The following MYO3A variants were observed in gnomAD, a reference collection of about 807,000 sequenced individuals.
The protein encoded by MYO3A is myosin-IIIa.
MYO3A carries 180 observed loss-of-function variants against 192.7 expected under a neutral mutation model. That is an observed-to-expected ratio of 0.93 (90% CI 0.83 to 1.06). MYO3A has a LOEUF of 1.06. MYO3A is among the 50% of genes least tolerant of loss of function. MYO3A has a pLI of 0.00. For missense variants in MYO3A, 1,896 were observed against 1,905.0 expected (o/e 1.00, Z 0.09); for synonymous variants, 628 against 645.3 (o/e 0.97, Z 0.41).
chr10:25,976,598 C>T (rs10828918), intron 4 of MYO3A, among the ~76,000 whole-genome samples: 3,857 of 152,072 alleles, frequency 0.025, 185 homozygotes, highest in African/African-American at 0.087. Flanking sequence ...AATATTATAC[C>T]TTTTGATTTA....
intron 10 of MYO3A, among the ~76,000 whole-genome samples, chr10:26,041,934 T>G (rs150823738): frequency 1.3e-5 from 2 of 152,290 alleles, no homozygotes; most frequent in East Asian, 3.9e-4. Context: ...TTAAAATGAT[T>G]TCTTATTGCT....
At chr10:26,103,753 C>T (rs1473079640) in intron 17 of MYO3A, among the ~76,000 whole-genome samples, 3 of 152,152 alleles carry the variant, frequency 2.0e-5, no homozygotes, top group Admixed American at 1.3e-4. Flanking sequence ...TTAACCTTTT[C>T]ACTAAATTGT....
chr10:25,987,890 A>G (rs1022973727), intron 4 of MYO3A, among the ~76,000 whole-genome samples: 58 of 152,328 alleles, frequency 3.8e-4, no homozygotes, highest in African/African-American at 1.3e-3. Context: ...TATGAAAAAG[A>G]TATTTGTACA....
chr10:26,126,724 A>G (rs1039875450), intron 19 of MYO3A, among the ~76,000 whole-genome samples: 10 of 152,160 alleles, frequency 6.6e-5, no homozygotes, highest in African/African-American at 1.9e-4. Flanking sequence ...TTTGTTAATT[A>G]TCATCTGCAT....
At position 26,152,103 on chromosome 10, in the gene MYO3A, G is replaced by A. The variant is rs548533940; in HGVS notation, c.2636-1747G>A. Among the ~76,000 whole-genome samples the A allele has an allele frequency of 7.2e-5, 11 of 152,254 alleles. No individual in the cohort carries two copies. The South Asian group carries it at 2.1e-3, about 29-fold the overall frequency. On this transcript the variant is annotated intron_variant, in intron 23 of 34. Transcript: ENST00000642920. ...GCAGCCAGGCTCTAAATACTATGTTGTGTTGCTTGGCTATCAGCAGAACAG... is the reference window on the plus strand; with the variant it reads ...GCAGCCAGGCTCTAAATACTATGTTATGTTGCTTGGCTATCAGCAGAACAG...
chr10:25,949,085 G>T (rs1301055000), intron 2 of MYO3A, among the ~76,000 whole-genome samples: 1 of 151,992 alleles, frequency 6.6e-6, no homozygotes, highest in Non-Finnish European at 1.5e-5. Context: ...AGAATAAACT[G>T]CTTTTCACCT....
chr10:26,199,578 AG>A (rs1174349793), intron 32 of MYO3A, among the ~76,000 whole-genome samples: 11 of 152,170 alleles, frequency 7.2e-5, no homozygotes, highest in African/African-American at 2.4e-4. Flanking sequence ...TCAAAAAAAA[AG>A]AAAAGAAAAA....
At position 26,121,469 on chromosome 10, in the gene MYO3A, T is replaced by C. The variant is rs149776852; in HGVS notation, c.1903+667T>C. Among the ~76,000 whole-genome samples the C allele has an allele frequency of 1.1e-3, 170 of 152,204 alleles. 1 individual carries two copies. Among genetic ancestry groups the C allele is most frequent in the African/African-American group, 3.9e-3 (161 of 41,534 alleles). On this transcript the variant is annotated intron_variant, in intron 18 of 34. Coordinates refer to ENST00000642920, the MANE Select transcript of MYO3A (RefSeq NM_017433.5). The stretch of plus-strand genomic sequence containing the variant: ...TTAATAATAACAAATGGAGAATCAC[T>C]CCTCGTCCAAAAGCTCACACCTCTA...
intron 28 of MYO3A, among the ~76,000 whole-genome samples, chr10:26,169,362 G>A (rs1183184703): frequency 4.6e-5 from 7 of 152,038 alleles, no homozygotes; most frequent in Non-Finnish European, 8.8e-5. Flanking sequence ...ATAGACTTTG[G>A]ATTTTGCTTT....
intron 19 of MYO3A, among the ~76,000 whole-genome samples, chr10:26,127,536 G>A (rs948720463): frequency 2.0e-5 from 3 of 152,090 alleles, no homozygotes; most frequent in African/African-American, 7.2e-5. Flanking sequence ...TTTGAATTCA[G>A]TTGCTTCCTC....
intron 10 of MYO3A, among the ~76,000 whole-genome samples, chr10:26,048,025 A>G (rs1843732459): frequency 6.6e-6 from 1 of 152,190 alleles, no homozygotes; most frequent in South Asian, 2.1e-4. Context: ...AAATCTATTG[A>G]CAGTACCTTA....
At position 26,071,690 on chromosome 10, in the gene MYO3A, T is replaced by C. The variant is rs139776820; in HGVS notation, c.1359+1289T>C. Among the ~76,000 whole-genome samples, 630 of 152,134 alleles carry C rather than the reference T, an allele frequency of 4.1e-3. 3 individuals carry two copies. The highest frequency in any genetic ancestry group is 0.014 in the African/African-American group (601 of 41,512). On this transcript the variant is annotated intron_variant, in intron 14 of 34. Transcript: ENST00000642920. ...AATCAATAAGAAATGAAATGACAAT[T>C]TAAAAACAAACATAATGTTTGAACA...
intron 15 of MYO3A, among the ~76,000 whole-genome samples, chr10:26,092,263 T>G (rs557943956): frequency 1.3e-5 from 2 of 152,148 alleles, no homozygotes; most frequent in Non-Finnish European, 2.9e-5. Context: ...GTCAGGAGAT[T>G]GAGACCATCC....
chr10:26,208,779 C>A (rs1844092915), intron 34 of MYO3A, among the ~76,000 whole-genome samples: 1 of 152,066 alleles, frequency 6.6e-6, no homozygotes, highest in Non-Finnish European at 1.5e-5. Context: ...CAGAACAGAC[C>A]AGAATAGAGG....
At chr10:26,133,861 G>C (rs926731481) in intron 20 of MYO3A, among the ~76,000 whole-genome samples, 15 of 152,178 alleles carry the variant, frequency 9.9e-5, no homozygotes, top group African/African-American at 3.4e-4. Flanking sequence ...TGAGGTTAGA[G>C]CATACTATTG....
At chr10:26,046,968 G>C (rs1340537013) in intron 10 of MYO3A, among the ~76,000 whole-genome samples, 1 of 152,138 alleles carries the variant, frequency 6.6e-6, no homozygotes, top group African/African-American at 2.4e-5. Context: ...TACAAATTCT[G>C]AAGGTTTAGG....
intron 2 of MYO3A, among the ~76,000 whole-genome samples, chr10:25,940,878 A>G (rs1447870822): frequency 6.6e-6 from 1 of 152,026 alleles, no homozygotes; most frequent in Non-Finnish European, 1.5e-5. Context: ...GTATAGTTTC[A>G]TTGTGGTATA....
chr10:26,010,225 G>T (rs1487749094), intron 6 of MYO3A, among the ~76,000 whole-genome samples: 1 of 152,200 alleles, frequency 6.6e-6, no homozygotes, highest in East Asian at 1.9e-4. Flanking sequence ...GGACTTCCAA[G>T]AGAAATCACA....
At chr10:26,071,718 C>G (rs1013875754) in intron 14 of MYO3A, among the ~76,000 whole-genome samples, 4 of 152,078 alleles carry the variant, frequency 2.6e-5, no homozygotes, top group African/African-American at 9.7e-5. Flanking sequence ...TTTGAACAGT[C>G]ACTTCACCAA....
Sources: gnomAD v4.1 joint callset for allele counts (sites outside exome capture counted in the v4.1 genomes callset) on GRCh38, gnomAD v4.1.1 for gene constraint, MANE v1.5 for transcripts, NCBI Gene and HGNC (gene_info 2026-07-23, HGNC 2026-07-21) for gene names.